The following COL11A1 variants were observed in gnomAD, a reference collection of about 807,000 sequenced individuals.
COL11A1 encodes the protein collagen type XI alpha 1 chain.
A neutral mutation model predicts 265.2 loss-of-function variants in COL11A1; 74 were observed. The observed-to-expected ratio is 0.28, with a 90% CI of 0.23 to 0.34. The LOEUF (loss-of-function observed/expected upper bound fraction) is 0.34, where lower values mean the gene tolerates loss of function less well. COL11A1 is among the 10% of genes least tolerant of loss of function. The pLI, the probability that COL11A1 is intolerant of heterozygous loss-of-function variation, is 1.00. For synonymous variants in COL11A1, 816 were observed against 727.6 expected (o/e 1.12, Z -1.96); for missense variants, 2,165 against 2,263.6 (o/e 0.96, Z 0.88).
intron 4 of COL11A1, among the ~76,000 whole-genome samples, chr1:103,072,986 A>T (rs1188331224): frequency 6.6e-6 from 1 of 151,788 alleles, no homozygotes; most frequent in Non-Finnish European, 1.5e-5. Context: ...CATTTTAAAA[A>T]CTAACTACAC....
chr1:102,932,124 A>G (rs1657535032), intron 46 of COL11A1, among the ~76,000 whole-genome samples: 1 of 149,576 alleles, frequency 6.7e-6, no homozygotes, highest in African/African-American at 2.5e-5. Context: ...TGTGAATTTG[A>G]TCCTGTCATT....
intron 46 of COL11A1, among the ~76,000 whole-genome samples, chr1:102,932,268 G>A (rs1195614288): frequency 6.6e-6 from 1 of 152,088 alleles, no homozygotes; most frequent in Non-Finnish European, 1.5e-5. Flanking sequence ...GCCTTCAGGA[G>A]CTCTTTTAGG....
chr1:102,885,909 T>G (rs923925860), intron 63 of COL11A1, among the ~76,000 whole-genome samples: 1 of 152,188 alleles, frequency 6.6e-6, no homozygotes, highest in Non-Finnish European at 1.5e-5. Flanking sequence ...TAACAGGCTA[T>G]GCTTGATTAA....
intron 1 of COL11A1, among the ~76,000 whole-genome samples, chr1:103,086,659 G>A (rs1472403829): frequency 2.6e-5 from 4 of 151,776 alleles, no homozygotes; most frequent in South Asian, 2.1e-4. Context: ...TTCCTGATCC[G>A]CCCGCCTCGG....
At chr1:102,931,760 A>G (rs78618287) in intron 46 of COL11A1, among the ~76,000 whole-genome samples, 1 of 151,926 alleles carries the variant, frequency 6.6e-6, no homozygotes, top group African/African-American at 2.4e-5. Flanking sequence ...GACTTGCTTT[A>G]TGAATCTTGG....
chr1:103,080,067 TTAAA>T (rs146486080), intron 2 of COL11A1, among the ~76,000 whole-genome samples: 16,693 of 151,840 alleles, frequency 0.11, 1,075 homozygotes, highest in Non-Finnish European at 0.14. Flanking sequence ...TTGAAACTGA[TTAAA>T]TAAAATACAA....
At chr1:102,994,726 T>C (rs1664461320) in intron 28 of COL11A1, among the ~76,000 whole-genome samples, 1 of 152,142 alleles carries the variant, frequency 6.6e-6, no homozygotes, top group South Asian at 2.1e-4. Flanking sequence ...TTTAACTTTG[T>C]ATGAAATTTT....
intron 1 of COL11A1, among the ~76,000 whole-genome samples, chr1:103,101,895 C>G (rs1406768853): frequency 1.3e-5 from 2 of 152,016 alleles, no homozygotes; most frequent in African/African-American, 4.8e-5. Context: ...AGTTCTTTCT[C>G]CTAAATTAAT....
chr1:103,081,903 A>C (rs909771183), intron 2 of COL11A1, among the ~76,000 whole-genome samples: 1 of 151,988 alleles, frequency 6.6e-6, no homozygotes, highest in Admixed American at 6.6e-5. Flanking sequence ...CAAGTCAGAG[A>C]GCCTCTGTGA....
intron 4 of COL11A1, among the ~76,000 whole-genome samples, chr1:103,032,749 C>T (rs1668079462): frequency 6.6e-6 from 1 of 152,018 alleles, no homozygotes; most frequent in South Asian, 2.1e-4. Context: ...TGTGTTCATT[C>T]TCACCCTTAG....
rs151074940 is a variant in COL11A1 at position 102,890,604 on chromosome 1, C to T, written c.4303-100G>A. 4,198 of 951,524 alleles carry T rather than the reference C, an allele frequency of 4.4e-3. 35 individuals carry two copies. Among genetic ancestry groups the T allele is most frequent in the South Asian group, 5.4e-3 (302 of 56,290 alleles). 58.9% of individuals were successfully genotyped at this position (951,524 alleles called of 1,614,324 possible). On this transcript the variant is annotated intron_variant, in intron 57 of 66. Transcript: ENST00000370096. ...CAGACCTAGTTTAGTTTTGAAAATACGGAGTTGAAAATAGTAATGATTAAT... is the reference window on the plus strand; with the variant it reads ...CAGACCTAGTTTAGTTTTGAAAATATGGAGTTGAAAATAGTAATGATTAAT...
chr1:102,914,807 G>T lies in COL11A1; in HGVS notation c.3821C>A (p.Pro1274His). 1 of 1,589,348 alleles carries T rather than the reference G, an allele frequency of 6.3e-7. No homozygotes were observed. Among genetic ancestry groups the T allele is most frequent in the Non-Finnish European group, 8.6e-7 (1 of 1,169,500 alleles). ...CCCTTTCTCTCCTCTTTCTCCTTTGGGACCCTAAACAATGTTAAAAAAAAA... is the reference window on the plus strand; with the variant it reads ...CCCTTTCTCTCCTCTTTCTCCTTTGTGACCCTAAACAATGTTAAAAAAAAA... ...GPPGEAGVGG[P>H]KGERGEKGEA... Residue 1274 changes from proline to histidine, a missense_variant, in exon 51 of 67, where the codon CCC becomes CAC. Physicochemically the swap from Pro to His is moderately conservative, Grantham distance 77. Transcript: ENST00000370096.
At chr1:102,884,443 G>C (rs1484508774) in intron 63 of COL11A1, 2 of 152,190 alleles carry the variant, frequency 1.3e-5, no homozygotes, top group African/African-American at 4.8e-5. Context: ...GCCAGGGAAT[G>C]GCAGTCTTCC....
chr1:102,920,122 T>C (rs1655805459), intron 49 of COL11A1, among the ~76,000 whole-genome samples, 189 bp downstream of exon 49: 2 of 152,120 alleles, frequency 1.3e-5, no homozygotes, highest in South Asian at 4.1e-4. Flanking sequence ...ATATAATAAT[T>C]GGCAACCAAA....
At chr1:102,982,917 T>C (rs1349511127) in intron 31 of COL11A1, among the ~76,000 whole-genome samples, 3 of 152,060 alleles carry the variant, frequency 2.0e-5, no homozygotes, top group Non-Finnish European at 4.4e-5. Context: ...ATACCTATTG[T>C]TTCTGTTATG....
At chr1:103,068,660 A>G (rs1407060757) in intron 4 of COL11A1, among the ~76,000 whole-genome samples, 2 of 151,472 alleles carry the variant, frequency 1.3e-5, no homozygotes, top group African/African-American at 4.8e-5. Flanking sequence ...AACTTGCAAA[A>G]TGGTCCCTAC....
chr1:103,025,447 A>G, intron 7 of COL11A1, 74 bp downstream of exon 7: 2 of 1,017,584 alleles, frequency 2.0e-6, no homozygotes, highest in Non-Finnish European at 3.1e-6. Flanking sequence ...AGATTCTTCC[A>G]GAGTGAAGTA....
intron 4 of COL11A1, among the ~76,000 whole-genome samples, chr1:103,072,495 C>G (rs1353846851): frequency 6.6e-6 from 1 of 151,722 alleles, no homozygotes; most frequent in Non-Finnish European, 1.5e-5. Flanking sequence ...ATTTCTATCT[C>G]CTGTCATTTT....
intron 49 of COL11A1, 138 bp downstream of exon 49, chr1:102,920,173 C>A: frequency 1.2e-6 from 1 of 845,652 alleles, no homozygotes; most frequent in East Asian, 2.5e-5. Flanking sequence ...ATTTTTGCAA[C>A]TACTAGATGA....
Sources: gnomAD v4.1 joint callset for allele counts (sites outside exome capture counted in the v4.1 genomes callset) on GRCh38, gnomAD v4.1.1 for gene constraint, MANE v1.5 for transcripts, NCBI Gene and HGNC (gene_info 2026-07-23, HGNC 2026-07-21) for gene names.